IGF2BP2: variants seen among roughly 807,000 people sequenced by gnomAD.
The protein encoded by IGF2BP2 is insulin like growth factor 2 mRNA binding protein 2.
A neutral mutation model predicts 75.8 loss-of-function variants in IGF2BP2; 17 were observed. The observed-to-expected ratio is 0.22, with a 90% confidence interval of 0.15 to 0.34. The LOEUF (loss-of-function observed/expected upper bound fraction) is 0.34, where lower values mean the gene tolerates loss of function less well. Among genes scored for constraint, IGF2BP2 ranks in the 10% least tolerant of loss-of-function variants. The pLI, the probability that IGF2BP2 is intolerant of heterozygous loss-of-function variation, is 1.00. For synonymous variants in IGF2BP2, 288 were observed against 295.6 expected, an observed-to-expected ratio of 0.97 and a Z score of 0.26; for missense variants, 516 against 772.4, an observed-to-expected ratio of 0.67 and a Z score of 3.93.
At chr3:185,700,286 C>A (rs1256068627) in intron 2 of IGF2BP2, among the ~76,000 whole-genome samples, 1 of 152,156 alleles carries the variant, frequency 6.6e-6, no homozygotes, top group Non-Finnish European at 1.5e-5. Context: ...GTTTTCTCAG[C>A]TCCTTTTTAT....
intron 10 of IGF2BP2, among the ~76,000 whole-genome samples, chr3:185,668,994 C>T (rs1553852856): frequency 9.2e-5 from 14 of 151,732 alleles, no homozygotes; most frequent in Non-Finnish European, 4.4e-5. Flanking sequence ...ACTGAGGGGC[C>T]AAAAATACAG....
chr3:185,815,351 T>C (rs1740463110), intron 2 of IGF2BP2, among the ~76,000 whole-genome samples: 1 of 152,258 alleles, frequency 6.6e-6, no homozygotes, highest in African/African-American at 2.4e-5. Context: ...AGGAATAATA[T>C]ACAAAGTTAC....
intron 1 of IGF2BP2, among the ~76,000 whole-genome samples, chr3:185,823,860 C>T (rs1741683711): frequency 6.6e-6 from 1 of 151,488 alleles, no homozygotes; most frequent in East Asian, 2.0e-4. Flanking sequence ...GGAGTGCGCG[C>T]GCGCGAGTGT....
rs1385142224 is a variant in IGF2BP2 at position 185,825,000 on chromosome 3, T to C, written c.-40A>G. On this transcript the variant is annotated 5_prime_UTR_variant, in exon 1 of 16. Transcript: ENST00000382199. ...AGAGCCCGCGGCTCCCCCGGCCCGG[T>C]ACCCGGCGCTCCTCGCCTCCTCCGC... 4.5e-5 allele frequency: 64 copies of C among 1,427,392 alleles called. No individual in the cohort carries two copies. The highest frequency in any genetic ancestry group is 5.9e-5 in the Non-Finnish European group (63 of 1,069,678). 88.4% of individuals were successfully genotyped at this position (1,427,392 alleles called of 1,614,324 possible).
intron 2 of IGF2BP2, among the ~76,000 whole-genome samples, chr3:185,746,792 A>C (rs2149600672): frequency 6.6e-6 from 1 of 152,350 alleles, no homozygotes; most frequent in South Asian, 2.1e-4. Context: ...AAGTTATCGG[A>C]GCTATTATAT....
chr3:185,647,732 C>CA lies in IGF2BP2; in HGVS notation c.1594-595dup, dbSNP rs1713839004. 6.6e-6 allele frequency among the ~76,000 whole-genome samples: 1 copy of CA among 152,220 alleles called. No homozygotes were observed. The highest frequency in any genetic ancestry group is 2.4e-5 in the African/African-American group (1 of 41,468). On this transcript the variant is annotated intron_variant, in intron 14 of 15. Coordinates refer to ENST00000382199, the MANE Select transcript of IGF2BP2 (RefSeq NM_006548.6). The surrounding 1 kb of genome is among the most constrained non-coding windows in gnomAD (Gnocchi z 4.9). ...GCCCATGCTGAGCTCCTCGTGTCTCCAACCACTGCCTGCATTGTTCATCCT... is the reference window on the plus strand; with the variant it reads ...GCCCATGCTGAGCTCCTCGTGTCTCCAAACCACTGCCTGCATTGTTCATCCT...
At chr3:185,821,248 G>T in intron 2 of IGF2BP2, 1 of 826,844 alleles carries the variant, frequency 1.2e-6, no homozygotes, top group Non-Finnish European at 1.7e-6. Context: ...GCATACATTT[G>T]GAATGTTAAA....
intron 4 of IGF2BP2, among the ~76,000 whole-genome samples, chr3:185,693,970 T>C (rs1722260495): frequency 1.3e-5 from 2 of 152,210 alleles, no homozygotes; most frequent in Admixed American, 1.3e-4. Context: ...TTTTACAAGA[T>C]TTGCAAAGGG....
At chr3:185,689,148 T>G (rs1721559418) in intron 6 of IGF2BP2, 1 of 585,972 alleles carries the variant, frequency 1.7e-6, no homozygotes, top group African/African-American at 1.9e-5. Flanking sequence ...ACCCTCTTTA[T>G]GAACTTTTAG....
intron 2 of IGF2BP2, among the ~76,000 whole-genome samples, chr3:185,770,819 T>C (rs1435120886): frequency 6.6e-6 from 1 of 152,162 alleles, no homozygotes; most frequent in East Asian, 1.9e-4. Flanking sequence ...GGCACAATTA[T>C]AGCTCACTGC....
intron 2 of IGF2BP2, among the ~76,000 whole-genome samples, chr3:185,718,963 C>A (rs969070878): frequency 6.6e-6 from 1 of 152,162 alleles, no homozygotes; most frequent in African/African-American, 2.4e-5. Flanking sequence ...TCTTGGGAAG[C>A]CACAGACCCA....
intron 2 of IGF2BP2, 105 bp downstream of exon 2, chr3:185,823,048 G>A: frequency 1.4e-5 from 9 of 632,762 alleles, no homozygotes; most frequent in Middle Eastern, 4.4e-4. Context: ...ACAAACAAAA[G>A]CCCCTTTAAA....
At chr3:185,718,082 C>CT (rs1176028566) in intron 2 of IGF2BP2, 3 of 152,218 alleles carry the variant, frequency 2.0e-5, no homozygotes, top group Non-Finnish European at 4.4e-5. Flanking sequence ...AGGCATCTGA[C>CT]TAGGGCAGGG....
chr3:185,654,924 C>T (rs1169987580), intron 12 of IGF2BP2, among the ~76,000 whole-genome samples: 1 of 152,220 alleles, frequency 6.6e-6, no homozygotes, highest in Non-Finnish European at 1.5e-5. Context: ...CTCCTCTGGG[C>T]GCTCTCCTCC....
At chr3:185,657,452 C>G (rs1306925770) in intron 11 of IGF2BP2, 50 bp from the exon 12 acceptor site, 2 of 1,395,670 alleles carry the variant, frequency 1.4e-6, no homozygotes, top group Non-Finnish European at 1.0e-6. Flanking sequence ...AGGCTTTCTC[C>G]TCCAGGCACT....
At chr3:185,814,416 T>C (rs1213988570) in intron 2 of IGF2BP2, among the ~76,000 whole-genome samples, 3 of 152,162 alleles carry the variant, frequency 2.0e-5, no homozygotes, top group African/African-American at 4.8e-5. Flanking sequence ...AAGTAAAAGG[T>C]CTCCATGTAA....
intron 2 of IGF2BP2, among the ~76,000 whole-genome samples, chr3:185,757,750 C>T (rs1260568379): frequency 1.3e-5 from 2 of 152,200 alleles, no homozygotes; most frequent in Non-Finnish European, 2.9e-5. Flanking sequence ...ATATAAGCCA[C>T]TGTACCTAGC....
intron 10 of IGF2BP2, among the ~76,000 whole-genome samples, chr3:185,669,525 T>G (rs1349655339): frequency 7.9e-6 from 1 of 125,800 alleles, no homozygotes; most frequent in Non-Finnish European, 1.6e-5. Context: ...TCTTAAACAC[T>G]ATGCACATAT....
chr3:185,714,890 T>C (rs1183929320), intron 2 of IGF2BP2, among the ~76,000 whole-genome samples: 1 of 152,246 alleles, frequency 6.6e-6, no homozygotes, highest in Non-Finnish European at 1.5e-5. Context: ...ATTGGCTTTC[T>C]TAATTTCATT....
Sources: gnomAD v4.1 joint callset for allele counts (sites outside exome capture counted in the v4.1 genomes callset) on GRCh38, gnomAD v4.1.1 for gene constraint, Gnocchi (gnomAD v3.1) non-coding constraint, MANE v1.5 for transcripts, NCBI Gene and HGNC (gene_info 2026-07-23, HGNC 2026-07-21) for gene names.